DCDC2: variants seen among roughly 807,000 people sequenced by gnomAD.
The protein encoded by DCDC2 is doublecortin domain containing 2.
Under a neutral mutation model 50.2 loss-of-function variants are expected in DCDC2, and 40 were observed. The observed-to-expected ratio is 0.80, with a 90% CI of 0.62 to 1.04. DCDC2 has a LOEUF of 1.04. Ranked by LOEUF, DCDC2 falls within the 50% of genes least tolerant of loss-of-function variation. DCDC2 has a pLI of 0.00. For synonymous variants in DCDC2, 234 were observed against 210.6 expected, an observed-to-expected ratio of 1.11 and a Z score of -0.96; for missense variants, 570 against 581.9, an observed-to-expected ratio of 0.98 and a Z score of 0.21.
intron 7 of DCDC2, among the ~76,000 whole-genome samples, chr6:24,266,981 AG>A: frequency 6.6e-6 from 1 of 152,258 alleles, no homozygotes; most frequent in Non-Finnish European, 1.5e-5. Context: ...CCATAAAAAA[AG>A]AATGAGATAC....
chr6:24,215,766 G>A (rs1024751031), intron 7 of DCDC2, among the ~76,000 whole-genome samples: 8 of 152,200 alleles, frequency 5.3e-5, no homozygotes, highest in Admixed American at 2.6e-4. Context: ...CACCACTCCC[G>A]GCTGAGGGGG....
intron 2 of DCDC2, among the ~76,000 whole-genome samples, chr6:24,337,613 G>T (rs1010750690): frequency 3.3e-5 from 5 of 152,044 alleles, no homozygotes; most frequent in Non-Finnish European, 7.4e-5. Context: ...GGCCAACATG[G>T]TGAAACCCCA....
intron 2 of DCDC2, among the ~76,000 whole-genome samples, chr6:24,304,551 G>T (rs1759435976): frequency 6.6e-6 from 1 of 152,138 alleles, no homozygotes; most frequent in Admixed American, 6.5e-5. Flanking sequence ...AGTGGTTAAA[G>T]GGGGTGTACA....
chr6:24,312,234 G>A (rs908297540), intron 2 of DCDC2, among the ~76,000 whole-genome samples: 4 of 148,244 alleles, frequency 2.7e-5, no homozygotes, highest in East Asian at 2.0e-4. Flanking sequence ...CTCCTTTTTC[G>A]GACTCAGTCT....
intron 7 of DCDC2, among the ~76,000 whole-genome samples, chr6:24,233,132 T>C (rs565148628): frequency 6.6e-6 from 1 of 152,310 alleles, no homozygotes; most frequent in Non-Finnish European, 1.5e-5. Context: ...TCTAATAAAA[T>C]AGTCTGTCCT....
the DCDC2 span, among the ~76,000 whole-genome samples, chr6:24,373,353 C>T: frequency 6.6e-5 from 10 of 152,150 alleles, no homozygotes; most frequent in African/African-American, 9.7e-5. Flanking sequence ...CACCATAGAA[C>T]GGATTAATAA....
chr6:24,308,255 G>A (rs1759509770), intron 2 of DCDC2, among the ~76,000 whole-genome samples: 1 of 152,232 alleles, frequency 6.6e-6, no homozygotes, highest in Non-Finnish European at 1.5e-5. Flanking sequence ...TGTAGAGACA[G>A]ATTTCTAAAT....
At chr6:24,267,409 T>G (rs1763145482) in intron 7 of DCDC2, among the ~76,000 whole-genome samples, 1 of 152,220 alleles carries the variant, frequency 6.6e-6, no homozygotes, top group African/African-American at 2.4e-5. Context: ...AAATATCTCA[T>G]GTATCCCATA....
At chr6:24,176,648 G>A (rs1003763521) in intron 9 of DCDC2, among the ~76,000 whole-genome samples, 3 of 152,124 alleles carry the variant, frequency 2.0e-5, no homozygotes, top group African/African-American at 7.2e-5. Flanking sequence ...CTCTGTTAGT[G>A]ATTTTCAAGT....
Position 24,201,920 on chromosome 6 carries a change from C to A in DCDC2, c.1023+3082G>T, listed in dbSNP as rs909659124. 4.6e-5 allele frequency among the ~76,000 whole-genome samples: 7 copies of A among 152,224 alleles called. No individual in the cohort carries two copies. In the East Asian group the frequency reaches 1.3e-3, roughly 29 times the overall value. ...ATGGATAAATTCATGGACACATACA[C>A]CCTCCCAAGACTAAACCAGGAAGCC... is the stretch of plus-strand genomic sequence containing the variant. On this transcript the variant is annotated intron_variant, in intron 8 of 9. Coordinates refer to ENST00000378454, the MANE Select transcript of DCDC2 (RefSeq NM_016356.5).
At chr6:24,360,220 T>C (rs1464890480), upstream of DCDC2, among the ~76,000 whole-genome samples, 1 of 152,038 alleles carries the variant, frequency 6.6e-6, no homozygotes, top group Non-Finnish European at 1.5e-5. Context: ...CCTGGCTCCT[T>C]GGGATATGCT....
intron 7 of DCDC2, among the ~76,000 whole-genome samples, chr6:24,237,669 T>C (rs1157583629): frequency 6.6e-6 from 1 of 152,196 alleles, no homozygotes; most frequent in African/African-American, 2.4e-5. Context: ...GGAATCAACC[T>C]AGGTGTCTAT....
At chr6:24,376,257 C>A in the DCDC2 span, among the ~76,000 whole-genome samples, 1 of 152,148 alleles carries the variant, frequency 6.6e-6, no homozygotes. Context: ...GCACTGAACA[C>A]AAACAGCTCT....
intron 2 of DCDC2, among the ~76,000 whole-genome samples, chr6:24,334,016 G>T (rs1760012886): frequency 6.6e-6 from 1 of 152,220 alleles, no homozygotes; most frequent in Admixed American, 6.5e-5. Flanking sequence ...GTCAGGTATA[G>T]AGCAGGGAAG....
chr6:24,251,808 A>T (rs147541284), intron 7 of DCDC2, among the ~76,000 whole-genome samples: 54 of 152,332 alleles, frequency 3.5e-4, no homozygotes, highest in African/African-American at 1.2e-3. Flanking sequence ...CTCAAATCAC[A>T]TAATTTTTCC....
Position 24,291,039 on chromosome 6 carries a change from T to C in DCDC2, c.597A>G (p.Ala199=), listed in dbSNP as rs111983988. 1 of 1,613,894 alleles carries C rather than the reference T, an allele frequency of 6.2e-7. No individual in the cohort carries two copies. The highest frequency in any genetic ancestry group is 1.1e-5 in the South Asian group (1 of 91,036). Residue 199 remains alanine, a synonymous_variant, in exon 5 of 10, where the codon GCA becomes GCG. Transcript: ENST00000378454. The part of the protein sequence containing the change: ...TLEGKLVESG[A]ELENGQFYVA... ...CATAAAACTGCCCATTCTCCAACTC[T>C]GCTCCACTCTCAACAAGTTTTCCTT... is the stretch of plus-strand genomic sequence containing the variant.
At chr6:24,258,252 G>A (rs1223144501) in intron 7 of DCDC2, among the ~76,000 whole-genome samples, 1 of 152,206 alleles carries the variant, frequency 6.6e-6, no homozygotes, top group East Asian at 1.9e-4. Flanking sequence ...GGACCCAAGT[G>A]GGTTGCTGCT....
At chr6:24,227,080 A>T (rs181565707) in intron 7 of DCDC2, among the ~76,000 whole-genome samples, 1 of 152,346 alleles carries the variant, frequency 6.6e-6, no homozygotes, top group Admixed American at 6.5e-5. Context: ...CGACTGAGAA[A>T]GAACAAAAAG....
chr6:24,251,967 T>C (rs1762802958), intron 7 of DCDC2, among the ~76,000 whole-genome samples: 1 of 152,210 alleles, frequency 6.6e-6, no homozygotes, highest in African/African-American at 2.4e-5. Context: ...GCTGTCTAAA[T>C]GTAATAGCTT....
Sources: gnomAD v4.1 joint callset for allele counts (sites outside exome capture counted in the v4.1 genomes callset) on GRCh38, gnomAD v4.1.1 for gene constraint, MANE v1.5 for transcripts, NCBI Gene and HGNC (gene_info 2026-07-23, HGNC 2026-07-21) for gene names.